The following CNTN1 variants were observed in gnomAD, a reference collection of about 807,000 sequenced individuals.
CNTN1 encodes the protein contactin-1.
Under a neutral mutation model 126.4 loss-of-function variants are expected in CNTN1, and 38 were observed. The ratio of observed to expected loss-of-function variants is 0.30; its 90% CI spans 0.23 to 0.39. CNTN1 has a LOEUF of 0.39. Ranked by LOEUF, CNTN1 falls within the 10% of genes least tolerant of loss-of-function variation. The pLI is 1.00. For synonymous variants in CNTN1, 413 were observed against 422.6 expected, an observed-to-expected ratio of 0.98 and a Z score of 0.28; for missense variants, 1,009 against 1,248.4, an observed-to-expected ratio of 0.81 and a Z score of 2.89.
chr12:41,066,292 A>G (rs1055544126), intron 23 of CNTN1, among the ~76,000 whole-genome samples: 1 of 152,196 alleles, frequency 6.6e-6, no homozygotes, highest in Admixed American at 6.5e-5. Flanking sequence ...GGTTCCTAGA[A>G]GTTAGAGAGA....
chr12:40,844,347 T>C (rs1350943910), intron 1 of CNTN1, among the ~76,000 whole-genome samples: 2 of 152,114 alleles, frequency 1.3e-5, no homozygotes, highest in African/African-American at 2.4e-5. Context: ...ATTACAGGCA[T>C]GAGCCACCAC....
chr12:40,806,354 GAA>G (rs1940854808), intron 1 of CNTN1, among the ~76,000 whole-genome samples: 1 of 152,166 alleles, frequency 6.6e-6, no homozygotes, highest in South Asian at 2.1e-4. Flanking sequence ...CCCCCAGAGA[GAA>G]GTGTGGTTTT....
At chr12:40,853,110 T>A (rs921616873) in intron 1 of CNTN1, among the ~76,000 whole-genome samples, 1 of 152,064 alleles carries the variant, frequency 6.6e-6, no homozygotes, top group Non-Finnish European at 1.5e-5. Flanking sequence ...TGTAAGAAAT[T>A]AAGTTTTATA....
At chr12:40,947,007 A>G (rs1322653875) in intron 14 of CNTN1, among the ~76,000 whole-genome samples, 1 of 151,972 alleles carries the variant, frequency 6.6e-6, no homozygotes, top group African/African-American at 2.4e-5. Context: ...GTAACTGTAC[A>G]TTTTTAAAGA....
intron 1 of CNTN1, among the ~76,000 whole-genome samples, chr12:40,834,457 G>A (rs1941972186): frequency 6.6e-6 from 1 of 152,162 alleles, no homozygotes; most frequent in African/African-American, 2.4e-5. Flanking sequence ...GATAGCAGAT[G>A]GAAGGGCAGC....
chr12:40,782,304 TA>T (rs893380316), intron 1 of CNTN1, among the ~76,000 whole-genome samples: 1 of 150,774 alleles, frequency 6.6e-6, no homozygotes, highest in Non-Finnish European at 1.5e-5. Flanking sequence ...TTTGAAAAAA[TA>T]AAAAAAAGGT....
At chr12:40,845,638 C>T (rs75570440) in intron 1 of CNTN1, among the ~76,000 whole-genome samples, 15,428 of 152,108 alleles carry the variant, frequency 0.1, 940 homozygotes, top group Non-Finnish European at 0.13. Flanking sequence ...CTGGAAATTT[C>T]ATTTCCACCC....
chr12:40,857,095 G>A (rs1942938839), intron 1 of CNTN1, among the ~76,000 whole-genome samples: 2 of 152,126 alleles, frequency 1.3e-5, no homozygotes, highest in South Asian at 4.1e-4. Flanking sequence ...AGGGGGTTTT[G>A]TAGGCAAAAA....
At chr12:40,813,582 T>A (rs1310652500) in intron 1 of CNTN1, among the ~76,000 whole-genome samples, 1 of 152,214 alleles carries the variant, frequency 6.6e-6, no homozygotes, top group African/African-American at 2.4e-5. Context: ...ATTTTCTTTA[T>A]TCAGTCTATC....
intron 1 of CNTN1, among the ~76,000 whole-genome samples, chr12:40,784,594 G>A (rs1216062901): frequency 1.3e-5 from 2 of 152,094 alleles, no homozygotes; most frequent in Non-Finnish European, 2.9e-5. Context: ...GTGAAAGCAG[G>A]GACCCTGAGA....
chr12:40,922,238 T>C lies in CNTN1; in HGVS notation c.228-18T>C. The stretch of plus-strand genomic sequence containing the variant: ...GTCTCATGACCTGTGATATGACCTT[T>C]GTGTCTTTTTCTCATAGATGGAGAA... On this transcript the variant is annotated intron_variant, in intron 4 of 23. Transcript: ENST00000551295. 6.2e-7 allele frequency: 1 copy of C among 1,612,372 alleles called. No homozygotes were observed.
chr12:40,978,138 T>G (rs1325178797), intron 15 of CNTN1, among the ~76,000 whole-genome samples: 1 of 152,134 alleles, frequency 6.6e-6, no homozygotes, highest in Non-Finnish European at 1.5e-5. Flanking sequence ...TTATTACTCT[T>G]GTTTTACAGA....
intron 7 of CNTN1, 28 bp downstream of exon 7, chr12:40,930,030 T>C (rs1273042389): frequency 1.3e-6 from 2 of 1,497,462 alleles, no homozygotes; most frequent in Non-Finnish European, 1.9e-6. Context: ...TACACTCTGT[T>C]TTCGCAAGGT....
At chr12:40,943,181 T>C (rs773730692) in intron 12 of CNTN1, among the ~76,000 whole-genome samples, 7 of 152,120 alleles carry the variant, frequency 4.6e-5, no homozygotes, top group Admixed American at 1.3e-4. Flanking sequence ...TTTTAAAATA[T>C]TTTTTAAAGT....
intron 13 of CNTN1, 28 bp downstream of exon 13, chr12:40,943,752 T>C: frequency 6.2e-7 from 1 of 1,609,974 alleles, no homozygotes; most frequent in Non-Finnish European, 8.5e-7. Context: ...GGTGCTTAAT[T>C]TCTAATGTAT....
chr12:41,060,753 A>G (rs1949923178), intron 23 of CNTN1, among the ~76,000 whole-genome samples: 2 of 152,192 alleles, frequency 1.3e-5, no homozygotes, highest in African/African-American at 4.8e-5. Flanking sequence ...CGTTGGGAAT[A>G]AAACAAACCC....
intron 1 of CNTN1, among the ~76,000 whole-genome samples, chr12:40,846,907 G>A (rs146810300): frequency 0.013 from 1,912 of 151,064 alleles, 40 homozygotes; most frequent in African/African-American, 0.044. Flanking sequence ...TCACTCTGTC[G>A]CCCAGGCTGG....
intron 15 of CNTN1, among the ~76,000 whole-genome samples, chr12:40,968,819 G>C (rs1166641462): frequency 1.3e-5 from 2 of 152,122 alleles, no homozygotes; most frequent in African/African-American, 4.8e-5. Context: ...ACATGAATAT[G>C]CTTTTCCCTT....
intron 23 of CNTN1, among the ~76,000 whole-genome samples, chr12:41,031,144 A>T (rs965030942): frequency 6.6e-6 from 1 of 152,170 alleles, no homozygotes; most frequent in Admixed American, 6.5e-5. Flanking sequence ...GTTTTCAGCA[A>T]GAGATGATGT....
Sources: allele counts gnomAD v4.1 joint callset (sites outside exome capture counted in the v4.1 genomes callset), GRCh38; gene constraint gnomAD v4.1.1; transcripts MANE v1.5; gene names NCBI Gene and HGNC (gene_info 2026-07-23, HGNC 2026-07-21).